C1orf87: variants seen among roughly 807,000 people sequenced by gnomAD.
C1orf87 encodes chromosome 1 open reading frame 87.
C1orf87 carries 58 observed loss-of-function variants against 60.5 expected under a neutral mutation model. The ratio of observed to expected loss-of-function variants is 0.96; its 90% CI spans 0.78 to 1.19. The LOEUF (loss-of-function observed/expected upper bound fraction) is 1.19. Among genes scored for constraint, C1orf87 ranks in the 50% most tolerant of loss-of-function variants. The pLI, the probability that C1orf87 is intolerant of heterozygous loss-of-function variation, is 0.00. For missense variants in C1orf87, 673 were observed against 638.6 expected (o/e 1.05, Z -0.58); for synonymous variants, 236 against 227.4 (o/e 1.04, Z -0.34).
intron 3 of C1orf87, among the ~76,000 whole-genome samples, chr1:60,052,838 G>A (rs944538421): frequency 6.6e-5 from 10 of 152,190 alleles, no homozygotes; most frequent in Non-Finnish European, 1.0e-4. Flanking sequence ...GGTAATGAGG[G>A]TCTCTGTACC....
chr1:60,021,329 A>G (rs1557463749), intron 8 of C1orf87, among the ~76,000 whole-genome samples: 2 of 152,226 alleles, frequency 1.3e-5, no homozygotes, highest in Non-Finnish European at 2.9e-5. Context: ...CATGGAGATC[A>G]CTATGTAGAC....
At chr1:60,012,410 T>G (rs1485923419) in intron 8 of C1orf87, among the ~76,000 whole-genome samples, 1 of 152,104 alleles carries the variant, frequency 6.6e-6, no homozygotes, top group Non-Finnish European at 1.5e-5. Context: ...GAAATTTTTT[T>G]AACTATATTG....
At chr1:60,003,598 T>C (rs1226020215) in intron 9 of C1orf87, among the ~76,000 whole-genome samples, 1 of 152,096 alleles carries the variant, frequency 6.6e-6, no homozygotes, top group African/African-American at 2.4e-5. Context: ...CACATATCAA[T>C]TTAAAAGCCA....
At chr1:60,056,422 A>C (rs1325555876) in intron 2 of C1orf87, among the ~76,000 whole-genome samples, 1 of 150,818 alleles carries the variant, frequency 6.6e-6, no homozygotes, top group African/African-American at 2.4e-5. Context: ...AGAAAAATGC[A>C]AAAAAAAAGA....
rs1645444735 is a variant in C1orf87 at position 60,055,230 on chromosome 1, T to C, written c.316A>G (p.Asn106Asp). 1.2e-6 allele frequency: 2 copies of C among 1,613,910 alleles called. No homozygotes were observed. Among genetic ancestry groups the C allele is most frequent in the African/African-American group, 2.7e-5 (2 of 74,930 alleles). ...TTGCCATCCAGGAATCTGCTACTGTTTGCCCCTGTTAGTAGTTTCTGGTTG... is the reference window on the plus strand; with the variant it reads ...TTGCCATCCAGGAATCTGCTACTGTCTGCCCCTGTTAGTAGTTTCTGGTTG... The part of the protein sequence containing the change: ...ENNQKLLTGA[N>D]SSRFLDGNIP... The change falls in exon 3 of 12, where the codon AAC becomes GAC. Residue 106 changes from asparagine to aspartate, a missense_variant. Physicochemically the swap from Asn to Asp is conservative, Grantham distance 23. Transcript: ENST00000371201.
In C1orf87 at chr1:60,038,067, G is replaced by A. The variant is rs1233802459; in HGVS notation, c.788C>T (p.Ala263Val). The A allele has an allele frequency of 2.5e-6, 4 of 1,597,262 alleles. No individual in the cohort carries two copies. The highest frequency in any genetic ancestry group is 1.1e-5 in the South Asian group (1 of 89,312). Residue 263 changes from alanine (A) to valine (V), a missense_variant, in exon 6 of 12, where the codon GCA (alanine) becomes GTA (valine). By Grantham distance (64) the Ala-to-Val change is moderately conservative. Transcript: ENST00000371201. ...TTTATTTTGCTGTGGATAATCTGAT[G>A]CTGCACTGTTTAAAAACCAGAGTAG... ...EKLLWFLNSA[A>V]SDYPQQNKAA... is the part of the protein sequence containing the mutation.
At chr1:60,070,920 T>C (rs543900668) in intron 2 of C1orf87, among the ~76,000 whole-genome samples, 3 of 152,158 alleles carry the variant, frequency 2.0e-5, no homozygotes, top group Admixed American at 2.0e-4. Flanking sequence ...AAGCAAGGAG[T>C]TTGGGAGAGA....
chr1:60,028,202 A>C (rs747250356), intron 7 of C1orf87, among the ~76,000 whole-genome samples: 10 of 152,220 alleles, frequency 6.6e-5, no homozygotes, highest in Non-Finnish European at 1.3e-4. Flanking sequence ...AACTATCTTC[A>C]TGATTAGAAC....
chr1:60,071,279 C>G (rs1365035469), intron 2 of C1orf87, among the ~76,000 whole-genome samples: 1 of 152,114 alleles, frequency 6.6e-6, no homozygotes, highest in African/African-American at 2.4e-5. Context: ...TGGAAAGGTG[C>G]TTTGCATACT....
chr1:59,994,232 A>C (rs1644947560), intron 11 of C1orf87, among the ~76,000 whole-genome samples: 1 of 151,946 alleles, frequency 6.6e-6, no homozygotes, highest in African/African-American at 2.4e-5. Flanking sequence ...ACGGATCAAC[A>C]ATGGGTGGAG....
intron 9 of C1orf87, among the ~76,000 whole-genome samples, chr1:60,006,559 C>A (rs10493276): frequency 6.6e-6 from 1 of 151,892 alleles, no homozygotes; most frequent in African/African-American, 2.4e-5. Context: ...TGAATTTTCC[C>A]TTGTCAGCAG....
intron 8 of C1orf87, among the ~76,000 whole-genome samples, chr1:60,019,713 G>A (rs765306330): frequency 6.6e-6 from 1 of 152,168 alleles, no homozygotes; most frequent in Admixed American, 6.5e-5. Flanking sequence ...TTGGGAAATG[G>A]AGTAAAGGTC....
chr1:60,055,442 T>A lies in C1orf87; in HGVS notation c.108-4A>T, dbSNP rs777286510. The A allele has an allele frequency of 6.2e-7, 1 of 1,612,474 alleles. No individual in the cohort carries two copies. The highest frequency in any genetic ancestry group is 8.5e-7 in the Non-Finnish European group (1 of 1,178,492). On this transcript the variant is annotated splice_polypyrimidine_tract_variant and splice_region_variant and intron_variant, in intron 2 of 11. Transcript: ENST00000371201. ...TTTCAAGCTGTCATTCTCCTTGCTG[T>A]GAAGAAAGAATTGTATACTTTGTTA...
chr1:59,998,360 A>T (rs977206829), intron 10 of C1orf87, among the ~76,000 whole-genome samples: 1 of 152,196 alleles, frequency 6.6e-6, no homozygotes, highest in East Asian at 1.9e-4. Context: ...GTTTACTAAG[A>T]TCACACACAT....
chr1:60,068,244 A>G (rs1412150199), intron 2 of C1orf87, among the ~76,000 whole-genome samples: 1 of 152,200 alleles, frequency 6.6e-6, no homozygotes, highest in African/African-American at 2.4e-5. Flanking sequence ...AACACAGGCA[A>G]TACCCAAACA....
intron 8 of C1orf87, among the ~76,000 whole-genome samples, chr1:60,020,630 G>C (rs988908080): frequency 6.6e-6 from 1 of 152,180 alleles, no homozygotes. Flanking sequence ...TTTGGAATGG[G>C]AGCATTTACC....
At chr1:60,041,554 T>C (rs1419504679) in intron 3 of C1orf87, among the ~76,000 whole-genome samples, 1 of 152,176 alleles carries the variant, frequency 6.6e-6, no homozygotes, top group African/African-American at 2.4e-5. Flanking sequence ...GCTCAGAATA[T>C]TATACTCTAG....
chr1:59,998,237 A>T (rs1430764960), intron 10 of C1orf87, among the ~76,000 whole-genome samples: 1 of 152,164 alleles, frequency 6.6e-6, no homozygotes, highest in Non-Finnish European at 1.5e-5. Flanking sequence ...TGATCGAAAC[A>T]ATAATGATGT....
intron 7 of C1orf87, among the ~76,000 whole-genome samples, chr1:60,027,222 A>G (rs1280018329): frequency 1.3e-5 from 2 of 152,160 alleles, no homozygotes; most frequent in African/African-American, 4.8e-5. Context: ...TTATCAGCTA[A>G]CCAACTTATC....
Sources: gnomAD v4.1 joint callset for allele counts (sites outside exome capture counted in the v4.1 genomes callset) on GRCh38, gnomAD v4.1.1 for gene constraint, MANE v1.5 for transcripts, NCBI Gene and HGNC (gene_info 2026-07-23, HGNC 2026-07-21) for gene names.